ENPP6: variants seen among roughly 807,000 people sequenced by gnomAD.
ENPP6 encodes the protein ectonucleotide pyrophosphatase/phosphodiesterase 6.
Under a neutral mutation model 42.0 loss-of-function variants are expected in ENPP6, and 32 were observed. That is an observed-to-expected ratio of 0.76 (90% CI 0.58 to 1.02). The LOEUF (loss-of-function observed/expected upper bound fraction) is 1.02. ENPP6 is among the 50% of genes least tolerant of loss of function. The pLI is 0.00. For missense variants in ENPP6, 552 were observed against 566.8 expected (o/e 0.97, Z 0.27); for synonymous variants, 213 against 216.0 (o/e 0.99, Z 0.12).
intron 1 of ENPP6, among the ~76,000 whole-genome samples, chr4:184,209,872 A>C (rs1733079650): frequency 7.1e-6 from 1 of 140,732 alleles, no homozygotes; most frequent in Non-Finnish European, 1.5e-5. Flanking sequence ...AGCCCATCAG[A>C]CTAACAGTGG....
chr4:184,169,391 G>A (rs762393219), intron 1 of ENPP6, among the ~76,000 whole-genome samples: 41 of 152,198 alleles, frequency 2.7e-4, no homozygotes, highest in South Asian at 6.2e-4. Flanking sequence ...AGACGCTGGG[G>A]CTACAGCCAG....
At position 184,217,752 on chromosome 4, in the gene ENPP6, C is replaced by A. The variant is rs142273752; in HGVS notation, c.68G>T (p.Arg23Leu). The change falls in exon 1 of 8, where the codon CGC becomes CTC. Residue 23 changes from arginine (R) to leucine (L), a missense_variant. This residue lies in a region of ENPP6 where 545 missense variants were observed against 546.3 expected (regional missense o/e 1.00). Coordinates refer to ENST00000296741, the MANE Select transcript of ENPP6 (RefSeq NM_153343.4). ...ALGLAQPASARRKLLVFLLDG... is the reference protein window; with the variant it reads ...ALGLAQPASALRKLLVFLLDG... ...CAGCAGAAACACCAGCAGCTTCCGGCGGGCAGAGGCTGGCTGGGCCAGGCC... is the reference window on the plus strand; with the variant it reads ...CAGCAGAAACACCAGCAGCTTCCGGAGGGCAGAGGCTGGCTGGGCCAGGCC... The A allele has an allele frequency of 6.2e-7, 1 of 1,614,130 alleles. No individual in the cohort carries two copies. The highest frequency in any genetic ancestry group is 1.7e-5 in the Admixed American group (1 of 60,028).
chr4:184,095,583 C>T (rs1735885475), intron 7 of ENPP6, among the ~76,000 whole-genome samples: 1 of 151,426 alleles, frequency 6.6e-6, no homozygotes, highest in Admixed American at 6.6e-5. Context: ...TTGTTTGAAC[C>T]CAGGAGGTGG....
At chr4:184,113,468 AT>A (rs1174289185) in intron 5 of ENPP6, among the ~76,000 whole-genome samples, 1 of 152,188 alleles carries the variant, frequency 6.6e-6, no homozygotes, top group African/African-American at 2.4e-5. Flanking sequence ...GTAATGTCCT[AT>A]TTCTCAGGTG....
intron 2 of ENPP6, among the ~76,000 whole-genome samples, chr4:184,143,916 C>T (rs1388765310): frequency 6.6e-6 from 1 of 152,246 alleles, no homozygotes. Flanking sequence ...GGGGGCGCAG[C>T]TGTCTGCACA....
intron 2 of ENPP6, among the ~76,000 whole-genome samples, chr4:184,131,135 C>CACTT (rs1157477219): frequency 0.018 from 2,375 of 134,172 alleles, 108 homozygotes; most frequent in East Asian, 0.057. Context: ...CTTCCACCAG[C>CACTT]ACTTACTTTC....
chr4:184,110,382 G>T (rs1450759924), intron 6 of ENPP6, among the ~76,000 whole-genome samples: 6 of 152,194 alleles, frequency 3.9e-5, no homozygotes, highest in Non-Finnish European at 7.3e-5. Flanking sequence ...GTTCTGGGCA[G>T]AAGCAGATTT....
chr4:184,091,967 T>C (rs573596914), intron 7 of ENPP6, among the ~76,000 whole-genome samples: 6 of 152,298 alleles, frequency 3.9e-5, no homozygotes, highest in African/African-American at 1.4e-4. Flanking sequence ...AGCACTTTCT[T>C]TGGGGGCTGC....
At chr4:184,160,116 T>C (rs1737237019) in intron 1 of ENPP6, among the ~76,000 whole-genome samples, 1 of 152,246 alleles carries the variant, frequency 6.6e-6, no homozygotes, top group African/African-American at 2.4e-5. Flanking sequence ...TAAACATGCA[T>C]GTGCAAGTGT....
At chr4:184,143,825 A>T (rs1315073670) in intron 2 of ENPP6, among the ~76,000 whole-genome samples, 1 of 152,244 alleles carries the variant, frequency 6.6e-6, no homozygotes, top group African/African-American at 2.4e-5. Flanking sequence ...TTTTAAAAAA[A>T]CATCTTCTGC....
chr4:184,094,174 G>A (rs913087802), intron 7 of ENPP6, among the ~76,000 whole-genome samples: 12 of 152,188 alleles, frequency 7.9e-5, no homozygotes, highest in Non-Finnish European at 1.6e-4. Context: ...AACTACTCAG[G>A]AGGCTGAGGC....
intron 1 of ENPP6, among the ~76,000 whole-genome samples, chr4:184,191,636 C>G (rs533969177): frequency 6.6e-6 from 1 of 152,312 alleles, no homozygotes; most frequent in Non-Finnish European, 1.5e-5. Context: ...GATGAAAGTT[C>G]TCTCATCTGT....
intron 2 of ENPP6, among the ~76,000 whole-genome samples, chr4:184,135,727 G>A (rs1736720894): frequency 6.6e-6 from 1 of 152,122 alleles, no homozygotes; most frequent in African/African-American, 2.4e-5. Context: ...ATTGTTAAAA[G>A]GTAAAGGCAG....
chr4:184,136,905 C>T (rs1417557730), intron 2 of ENPP6, among the ~76,000 whole-genome samples: 1 of 152,182 alleles, frequency 6.6e-6, no homozygotes, highest in African/African-American at 2.4e-5. Flanking sequence ...ACTTCTGCCC[C>T]ATTTTCCCTC....
chr4:184,153,685 G>C lies in ENPP6; in HGVS notation c.290C>G (p.Pro97Arg), dbSNP rs747687420. 1 of 1,614,126 alleles carries C rather than the reference G, an allele frequency of 6.2e-7. No homozygotes were observed. The highest frequency in any genetic ancestry group is 1.7e-5 in the Admixed American group (1 of 60,016). The change falls in exon 2 of 8, where the codon CCC becomes CGC. Residue 97 changes from proline (P) to arginine (R), a missense_variant. This residue lies in a region of ENPP6 where 545 missense variants were observed against 546.3 expected (regional missense o/e 1.00). Coordinates refer to ENST00000296741, the MANE Select transcript of ENPP6 (RefSeq NM_153343.4). ...HQMIGNYMWD[P>R]TTNKSFDIGV... ...AATGTCAAAGGACTTGTTGGTGGTG[G>C]GGTCCCACATGTAGTTCCCGATCAT... is the stretch of plus-strand genomic sequence containing the variant.
chr4:184,175,114 C>T (rs1299731022), intron 1 of ENPP6, among the ~76,000 whole-genome samples: 2 of 152,192 alleles, frequency 1.3e-5, no homozygotes, highest in Non-Finnish European at 2.9e-5. Context: ...GCTCTCCCTC[C>T]TTGCCCAGTG....
chr4:184,135,417 A>G (rs1736716204), intron 2 of ENPP6, among the ~76,000 whole-genome samples: 1 of 152,234 alleles, frequency 6.6e-6, no homozygotes, highest in Non-Finnish European at 1.5e-5. Flanking sequence ...TTCTTAGCAG[A>G]TAAAAATTGA....
At position 184,217,448 on chromosome 4, in the gene ENPP6, T is replaced by TA. The variant is rs577058216; in HGVS notation, c.241+130dup. 6.1e-4 allele frequency: 787 copies of TA among 1,299,108 alleles called. 1 individual carries two copies. In the Middle Eastern group the frequency reaches 7.8e-3, roughly 13 times the overall value. The allele number at this position is 1,299,108 out of a possible 1,614,324, so 80.5% of individuals were successfully genotyped here. ...CTCAGCCAAGAACACAGATTTTTTTTATCTACCTTTGATGTCCCAAAGGAC... is the reference window on the plus strand; with the variant it reads ...CTCAGCCAAGAACACAGATTTTTTTTAATCTACCTTTGATGTCCCAAAGGAC... On this transcript the variant is annotated intron_variant, in intron 1 of 7. Coordinates refer to ENST00000296741, the MANE Select transcript of ENPP6 (RefSeq NM_153343.4).
At chr4:184,128,793 G>T (rs564038374) in intron 2 of ENPP6, among the ~76,000 whole-genome samples, 121 of 152,134 alleles carry the variant, frequency 8.0e-4, no homozygotes, top group African/African-American at 2.6e-3. Flanking sequence ...CATTATTTTC[G>T]AATATAACTG....
Sources: gnomAD v4.1 joint callset for allele counts (sites outside exome capture counted in the v4.1 genomes callset) on GRCh38, gnomAD v4.1.1 for gene constraint, gnomAD v4.1.1 regional missense constraint, MANE v1.5 for transcripts, NCBI Gene and HGNC (gene_info 2026-07-23, HGNC 2026-07-21) for gene names.